The following CHODL variants were observed in gnomAD, a reference collection of about 807,000 sequenced individuals.
CHODL encodes transmembrane protein MT75.
Under a neutral mutation model 34.5 loss-of-function variants are expected in CHODL, and 29 were observed. The ratio of observed to expected loss-of-function variants is 0.84; its 90% CI spans 0.63 to 1.15. CHODL has a LOEUF of 1.15. Ranked by LOEUF, CHODL falls within the 50% of genes most tolerant of loss-of-function variation. The pLI is 0.00. For missense variants in CHODL, 332 were observed against 332.5 expected (o/e 1.00, Z 0.01); for synonymous variants, 125 against 116.1 (o/e 1.08, Z -0.49).
At chr21:18,174,555 C>A (rs2073283345) in intron 2 of CHODL, among the ~76,000 whole-genome samples, 1 of 152,032 alleles carries the variant, frequency 6.6e-6, no homozygotes, top group African/African-American at 2.4e-5. Flanking sequence ...TTTGAAGATA[C>A]AATTATTGCT....
chr21:18,217,398 A>T (rs890854756), intron 2 of CHODL, among the ~76,000 whole-genome samples: 3 of 152,078 alleles, frequency 2.0e-5, no homozygotes, highest in African/African-American at 7.2e-5. Context: ...CAGGAAGGAG[A>T]AGTGCCAAGC....
intron 1 of CHODL, among the ~76,000 whole-genome samples, chr21:17,977,929 A>AAAAAAAAAAAAAAG (rs1217900881): frequency 2.0e-5 from 3 of 150,362 alleles, no homozygotes; most frequent in Non-Finnish European, 3.0e-5. Flanking sequence ...AAAAAAAAAA[A>AAAAAAAAAAAAAAG]AAAAAGAAAA....
At chr21:18,151,151 T>G (rs1601075004) in intron 2 of CHODL, among the ~76,000 whole-genome samples, 1 of 151,096 alleles carries the variant, frequency 6.6e-6, no homozygotes, top group African/African-American at 2.4e-5. Flanking sequence ...GGTCATAAGA[T>G]TCCCCATTTC....
chr21:18,248,469 T>C (rs1048040458), intron 1 of CHODL, among the ~76,000 whole-genome samples: 1 of 150,546 alleles, frequency 6.6e-6, no homozygotes, highest in African/African-American at 2.4e-5. Flanking sequence ...ACTAACCATT[T>C]ATCATAGCCA....
intron 1 of CHODL, among the ~76,000 whole-genome samples, chr21:17,977,409 A>G (rs913475088): frequency 5.6e-5 from 8 of 143,084 alleles, no homozygotes; most frequent in Non-Finnish European, 1.2e-4. Flanking sequence ...CTCTGTCACC[A>G]GGCTGGAGTG....
intron 1 of CHODL, among the ~76,000 whole-genome samples, chr21:18,025,814 G>A (rs1025099096): frequency 2.6e-5 from 4 of 151,904 alleles, no homozygotes; most frequent in East Asian, 1.9e-4. Flanking sequence ...CATCTTCCAC[G>A]GTCTTTCCTC....
chr21:18,126,220 A>G lies in CHODL; in HGVS notation c.-45+98249A>G, dbSNP rs12627499. 9.0e-3 allele frequency among the ~76,000 whole-genome samples: 1,375 copies of G among 152,324 alleles called. 71 individuals carry two copies. In the East Asian group the frequency reaches 0.16, roughly 17 times the overall value. ...CTCTGATTAGTCACTAGCCATCTAC[A>G]TCGAGGAAAGATGCTTCACCAGCAA... On this transcript the variant is annotated intron_variant, in intron 2 of 6. Transcript: ENST00000400127.
At chr21:18,151,469 T>A (rs1490729454) in intron 2 of CHODL, among the ~76,000 whole-genome samples, 1 of 152,162 alleles carries the variant, frequency 6.6e-6, no homozygotes, top group Non-Finnish European at 1.5e-5. Flanking sequence ...CACCCTTACA[T>A]CTCCTCATCT....
intron 2 of CHODL, among the ~76,000 whole-genome samples, chr21:18,072,503 T>G (rs1272131447): frequency 6.6e-6 from 1 of 152,160 alleles, no homozygotes; most frequent in Admixed American, 6.6e-5. Flanking sequence ...AGACTCTAGT[T>G]AAAATAAGTA....
intron 2 of CHODL, among the ~76,000 whole-genome samples, chr21:18,106,236 A>G (rs1279840422): frequency 1.3e-5 from 2 of 152,180 alleles, no homozygotes; most frequent in Non-Finnish European, 2.9e-5. Flanking sequence ...TCATAAATCC[A>G]TATAAAATTT....
chr21:18,162,026 C>T (rs1370414928), intron 2 of CHODL, among the ~76,000 whole-genome samples: 2 of 152,192 alleles, frequency 1.3e-5, no homozygotes, highest in African/African-American at 4.8e-5. Flanking sequence ...TAGAAGCGCA[C>T]TACCACCCTC....
intron 2 of CHODL, among the ~76,000 whole-genome samples, chr21:18,089,075 A>G (rs1279770101): frequency 6.6e-6 from 1 of 152,212 alleles, no homozygotes; most frequent in Non-Finnish European, 1.5e-5. Context: ...AGATTCAGCT[A>G]TAAATCCTTT....
chr21:17,962,268 A>G (rs2063537715), intron 1 of CHODL, among the ~76,000 whole-genome samples: 2 of 152,230 alleles, frequency 1.3e-5, no homozygotes, highest in South Asian at 4.1e-4. Context: ...GAGCATATAA[A>G]TAGCTAAATA....
At position 18,013,635 on chromosome 21, in the gene CHODL, C is replaced by CTT. The variant is rs1212894827; in HGVS notation, c.-144-14221_-144-14220dup. 9.9e-4 allele frequency among the ~76,000 whole-genome samples: 71 copies of CTT among 71,894 alleles called. 15 individuals carry two copies. Among genetic ancestry groups the CTT allele is most frequent in the African/African-American group, 3.8e-3 (60 of 15,808 alleles). The allele number at this position is 71,894 out of a possible 152,430, so 47.2% of individuals were successfully genotyped here. ...GATCATTGATTTTCTGCTGCTGCTG[C>CTT]TTTTTTTTTTTTTTTTTGAGACAGA... On this transcript the variant is annotated intron_variant, in intron 1 of 6. Coordinates refer to the CHODL transcript ENST00000400127.
chr21:18,260,512 C>T (rs751452041), intron 4 of CHODL, among the ~76,000 whole-genome samples: 1 of 152,122 alleles, frequency 6.6e-6, no homozygotes, highest in South Asian at 2.1e-4. Context: ...CTAAGTGATC[C>T]ACATTAAAAT....
chr21:18,003,130 A>AC (rs1400257919), intron 1 of CHODL, among the ~76,000 whole-genome samples: 2 of 128,860 alleles, frequency 1.6e-5, no homozygotes, highest in African/African-American at 5.4e-5. Context: ...TCAAAAAAAA[A>AC]AAAAACAAAA....
At chr21:18,151,039 C>T (rs2072959152) in intron 2 of CHODL, among the ~76,000 whole-genome samples, 1 of 146,130 alleles carries the variant, frequency 6.8e-6, no homozygotes, top group Non-Finnish European at 1.5e-5. Context: ...GCCGAGATCG[C>T]ACCACTGCAC....
intron 2 of CHODL, among the ~76,000 whole-genome samples, chr21:18,060,420 A>G (rs1483543783): frequency 6.6e-6 from 1 of 151,956 alleles, no homozygotes; most frequent in Non-Finnish European, 1.5e-5. Flanking sequence ...ACTGCACTCC[A>G]GCCTGGGCCA....
chr21:17,944,122 C>T lies in CHODL; in HGVS notation c.-145+26722C>T, dbSNP rs149952291. On this transcript the variant is annotated intron_variant, in intron 1 of 6. Transcript: ENST00000400127. ...CTAGCTTAAGAACCCACCCCAACTA[C>T]CCTGCCCAATTAGGGAGACTCCCAC... is the stretch of plus-strand genomic sequence containing the variant. Among the ~76,000 whole-genome samples, 747 of 152,168 alleles carry T rather than the reference C, an allele frequency of 4.9e-3. 8 individuals carry two copies. Among genetic ancestry groups the T allele is most frequent in the South Asian group, 0.027 (131 of 4,812 alleles).
Sources: gnomAD v4.1 joint callset for allele counts (sites outside exome capture counted in the v4.1 genomes callset) on GRCh38, gnomAD v4.1.1 for gene constraint, MANE v1.5 for transcripts, NCBI Gene and HGNC (gene_info 2026-07-23, HGNC 2026-07-21) for gene names.